Variants in ERBB4 observed in about 807,000 individuals in gnomAD.
ERBB4 encodes the protein erb-b2 receptor tyrosine kinase 4.
Under a neutral mutation model 158.0 loss-of-function variants are expected in ERBB4, and 42 were observed. That is an observed-to-expected ratio of 0.27 (90% CI 0.21 to 0.34). ERBB4 has a LOEUF of 0.34. Among genes scored for constraint, ERBB4 ranks in the 10% least tolerant of loss-of-function variants. The pLI is 1.00. For missense variants in ERBB4, 1,333 were observed against 1,624.1 expected, an observed-to-expected ratio of 0.82 and a Z score of 3.08; for synonymous variants, 583 against 558.7, an observed-to-expected ratio of 1.04 and a Z score of -0.61.
At chr2:211,761,869 A>G in intron 4 of ERBB4, among the ~76,000 whole-genome samples, 1 of 152,174 alleles carries the variant, frequency 6.6e-6, no homozygotes, top group East Asian at 1.9e-4. Flanking sequence ...AGTGCTGGTA[A>G]AGTGTGGAAA....
chr2:211,943,723 A>G (rs2080571931), intron 3 of ERBB4, among the ~76,000 whole-genome samples: 1 of 152,036 alleles, frequency 6.6e-6, no homozygotes. Context: ...GCAGTAAAAC[A>G]AGTTTTTCTA....
intron 1 of ERBB4, among the ~76,000 whole-genome samples, chr2:212,219,820 C>A (rs1414591654): frequency 6.6e-6 from 1 of 151,176 alleles, no homozygotes. Context: ...AAAATAGAAA[C>A]CTGCACAAAC....
intron 3 of ERBB4, among the ~76,000 whole-genome samples, chr2:211,831,745 T>C (rs1161778241): frequency 6.6e-6 from 1 of 151,768 alleles, no homozygotes; most frequent in Non-Finnish European, 1.5e-5. Flanking sequence ...CTACTAAAAA[T>C]ACAAAAAATT....
chr2:212,182,178 T>C (rs554836159), intron 1 of ERBB4, among the ~76,000 whole-genome samples: 13 of 151,916 alleles, frequency 8.6e-5, no homozygotes, highest in African/African-American at 2.2e-4. Flanking sequence ...GTTCATTTAA[T>C]CCAAATACTA....
intron 2 of ERBB4, among the ~76,000 whole-genome samples, chr2:212,090,684 TC>T (rs1406777249): frequency 1.3e-5 from 2 of 152,134 alleles, no homozygotes; most frequent in African/African-American, 2.4e-5. Flanking sequence ...AGGCCATACT[TC>T]CAGATTCCAA....
At chr2:212,282,780 G>C (rs1305764986) in intron 1 of ERBB4, among the ~76,000 whole-genome samples, 1 of 151,800 alleles carries the variant, frequency 6.6e-6, no homozygotes, top group Non-Finnish European at 1.5e-5. Context: ...TTGGTAATTA[G>C]CCAAGTTTAG....
chr2:212,194,855 G>T (rs2082375708), intron 1 of ERBB4, among the ~76,000 whole-genome samples: 1 of 151,962 alleles, frequency 6.6e-6, no homozygotes, highest in Admixed American at 6.6e-5. Context: ...CCACATGGAA[G>T]ATAAAAGTTT....
intron 18 of ERBB4, among the ~76,000 whole-genome samples, 191 bp from the exon 19 acceptor site, chr2:211,619,466 C>T (rs932689247): frequency 7.9e-5 from 12 of 152,146 alleles, no homozygotes; most frequent in African/African-American, 2.9e-4. Context: ...TACATGATTA[C>T]ATATATAGAA....
intron 3 of ERBB4, among the ~76,000 whole-genome samples, chr2:211,800,084 C>T (rs1342922089): frequency 6.6e-6 from 1 of 152,150 alleles, no homozygotes; most frequent in Non-Finnish European, 1.5e-5. Context: ...GGGATTTCTG[C>T]ACCCCAAAGG....
chr2:211,589,243 C>T (rs993599128), intron 19 of ERBB4, among the ~76,000 whole-genome samples: 2 of 152,208 alleles, frequency 1.3e-5, no homozygotes, highest in Non-Finnish European at 1.5e-5. Flanking sequence ...GCAAAAGATA[C>T]ACATTCCTAT....
Position 212,339,199 on chromosome 2 carries a change from T to G in ERBB4, c.82+199250A>C, listed in dbSNP as rs542201348. On this transcript the variant is annotated intron_variant, in intron 1 of 27. Transcript: ENST00000342788. ...ACCTCATCAGGCCCAGTGTGTGTTG[T>G]TCCCCTTCCTGTGTCCATGTGTTCT... 8.5e-5 allele frequency among the ~76,000 whole-genome samples: 13 copies of G among 152,190 alleles called. No homozygotes were observed. The East Asian group carries it at 2.5e-3, about 29-fold the overall frequency.
intron 2 of ERBB4, among the ~76,000 whole-genome samples, chr2:212,059,560 A>T (rs2077694119): frequency 6.6e-6 from 1 of 152,214 alleles, no homozygotes; most frequent in Admixed American, 6.5e-5. Flanking sequence ...AGGCTATAGT[A>T]ACCAAAACAG....
chr2:211,396,879 C>G (rs1033327310), intron 25 of ERBB4, among the ~76,000 whole-genome samples: 1 of 152,136 alleles, frequency 6.6e-6, no homozygotes, highest in Non-Finnish European at 1.5e-5. Context: ...GCTCTTTAAG[C>G]TACCAGGTGG....
intron 1 of ERBB4, among the ~76,000 whole-genome samples, chr2:212,373,843 GTATATATCCATGTATATATCCATA>G: frequency 1.6e-5 from 1 of 63,234 alleles, no homozygotes; most frequent in African/African-American, 7.4e-5. Context: ...ATATATCCAT[GTATATATCCATGTATATATCCATA>G]TATATATATC....
intron 2 of ERBB4, among the ~76,000 whole-genome samples, chr2:211,973,062 C>A (rs2125207444): frequency 1.4e-5 from 2 of 145,358 alleles, no homozygotes; most frequent in Non-Finnish European, 3.0e-5. Context: ...GGAACATAAG[C>A]AAATTGACAA....
chr2:211,588,918 AG>A (rs965060825), intron 19 of ERBB4, among the ~76,000 whole-genome samples: 31 of 152,184 alleles, frequency 2.0e-4, no homozygotes, highest in Admixed American at 6.5e-5. Flanking sequence ...TACCTTTGCA[AG>A]GGGTGGAAAA....
chr2:211,404,768 C>T (rs1365667431), intron 25 of ERBB4, among the ~76,000 whole-genome samples: 1 of 152,000 alleles, frequency 6.6e-6, no homozygotes, highest in Non-Finnish European at 1.5e-5. Flanking sequence ...TGGGAGGAAA[C>T]AGCTGAAAAA....
At chr2:212,310,125 T>C (rs974775785) in intron 1 of ERBB4, among the ~76,000 whole-genome samples, 1 of 150,696 alleles carries the variant, frequency 6.6e-6, no homozygotes, top group Admixed American at 6.6e-5. Context: ...TAAAGTCTAA[T>C]ATAGGGACTA....
At chr2:212,157,220 C>T (rs112536544) in intron 1 of ERBB4, among the ~76,000 whole-genome samples, 8 of 152,184 alleles carry the variant, frequency 5.3e-5, no homozygotes, top group African/African-American at 1.4e-4. Context: ...ATGGCACATG[C>T]TTTCCCTCTG....
Sources: allele counts gnomAD v4.1 joint callset (sites outside exome capture counted in the v4.1 genomes callset), GRCh38; gene constraint gnomAD v4.1.1; transcripts MANE v1.5; gene names NCBI Gene and HGNC (gene_info 2026-07-23, HGNC 2026-07-21).